Variants in KCNMA1 observed in about 807,000 individuals in gnomAD.
KCNMA1 encodes the protein Calcium-activated potassium channel subunit alpha-1.
A neutral mutation model predicts 140.0 loss-of-function variants in KCNMA1; 29 were observed. The ratio of observed to expected loss-of-function variants is 0.21; its 90% CI spans 0.15 to 0.28. KCNMA1 has a LOEUF of 0.28. Among genes scored for constraint, KCNMA1 ranks in the 10% least tolerant of loss-of-function variants. The pLI is 1.00. For missense variants in KCNMA1, 880 were observed against 1,602.2 expected (o/e 0.55, Z 7.70); for synonymous variants, 612 against 611.9 (o/e 1.00, Z 0.00).
At position 77,108,272 on chromosome 10, in the gene KCNMA1, T is replaced by G. The variant is rs2097239614; in HGVS notation, c.1223+209A>C. On this transcript the variant is annotated intron_variant, in intron 9 of 27. Transcript: ENST00000286628. This position sits in a 1 kb window ranked among gnomAD's most constrained non-coding sequence, Gnocchi z 4.6. ...AGTCACTCAACCACATCTTTTCTGA[T>G]GCAACTGACTTACTTTCTGCCTCCA... 54 of 1,460,946 alleles carry G rather than the reference T, an allele frequency of 3.7e-5. 1 individual carries two copies. In the South Asian group the frequency reaches 6.9e-4, roughly 19 times the overall value. 90.5% of individuals were successfully genotyped at this position (1,460,946 alleles called of 1,614,324 possible). A position where few individuals can be genotyped will look rare whatever the true frequency, so the allele number is the denominator to read the frequency against.
At chr10:76,893,816 A>G (rs141741641) in intron 25 of KCNMA1, among the ~76,000 whole-genome samples, 2 of 152,206 alleles carry the variant, frequency 1.3e-5, no homozygotes, top group Non-Finnish European at 2.9e-5. Context: ...AAACTACAAA[A>G]TATTACTGAA....
intron 1 of KCNMA1, among the ~76,000 whole-genome samples, chr10:77,436,134 G>C (rs2097258634): frequency 6.6e-6 from 1 of 152,212 alleles, no homozygotes; most frequent in South Asian, 2.1e-4. Context: ...GCTGGGGGAA[G>C]CTTGCACAAG....
At chr10:77,202,653 C>T (rs2042835098) in intron 3 of KCNMA1, among the ~76,000 whole-genome samples, 1 of 152,064 alleles carries the variant, frequency 6.6e-6, no homozygotes, top group African/African-American at 2.4e-5. Flanking sequence ...ACTGAAAAGG[C>T]TTCAAGAATG....
chr10:77,099,178 A>T (rs2097023840), intron 9 of KCNMA1, among the ~76,000 whole-genome samples: 1 of 151,952 alleles, frequency 6.6e-6, no homozygotes, highest in African/African-American at 2.4e-5. Context: ...CAAGCAAAGA[A>T]ATGGCTCTGA....
intron 1 of KCNMA1, chr10:77,493,785 G>C (rs1019627774): frequency 2.6e-5 from 4 of 152,212 alleles, no homozygotes; most frequent in Non-Finnish European, 5.9e-5. Context: ...GAGGGGACCT[G>C]TTAAATGCTG....
chr10:77,448,231 A>T (rs2097564755), intron 1 of KCNMA1, among the ~76,000 whole-genome samples: 1 of 152,184 alleles, frequency 6.6e-6, no homozygotes. Context: ...TGCTAGAAAC[A>T]CTGTCTCCTG....
At chr10:77,244,187 G>A (rs755539533) in intron 3 of KCNMA1, among the ~76,000 whole-genome samples, 1 of 152,204 alleles carries the variant, frequency 6.6e-6, no homozygotes, top group East Asian at 1.9e-4. Context: ...CTCCAGCTCT[G>A]CCCCTGGCTG....
chr10:77,354,994 T>C (rs2093340767), intron 2 of KCNMA1, among the ~76,000 whole-genome samples: 1 of 152,244 alleles, frequency 6.6e-6, no homozygotes, highest in Non-Finnish European at 1.5e-5. Flanking sequence ...CATCTTGAAT[T>C]GTATTCCCAT....
intron 14 of KCNMA1, among the ~76,000 whole-genome samples, chr10:77,063,243 T>A (rs2095821715): frequency 6.6e-6 from 1 of 152,050 alleles, no homozygotes; most frequent in Admixed American, 6.5e-5. Context: ...TGAAACCCCG[T>A]CTCTACTAAA....
In KCNMA1 at chr10:76,885,725, T is replaced by C; in HGVS notation, c.*1541A>G. On this transcript the variant is annotated 3_prime_UTR_variant, in exon 28 of 28. Coordinates refer to ENST00000286628, the MANE Select transcript of KCNMA1 (RefSeq NM_001161352.2). Reference sequence around the variant, plus strand: ...TTGGTTATGGTGAATTGGCCAGTTTTTAAGAAATACCGCACTGCCTAAAGC... The same window carrying C: ...TTGGTTATGGTGAATTGGCCAGTTTCTAAGAAATACCGCACTGCCTAAAGC... The C allele has an allele frequency of 1.0e-6, 1 of 985,386 alleles. No individual in the cohort carries two copies. The allele number at this position is 985,386 out of a possible 1,614,324, so 61.0% of individuals were successfully genotyped here.
At position 77,547,394 on chromosome 10, in the gene KCNMA1, C is replaced by T. The variant is rs185995360; in HGVS notation, c.378+89871G>A. ...AACCTACCCACTAAGACTTAAATAT[C>T]ACACCCTAGTTCAGACAGCCCTCGC... On this transcript the variant is annotated intron_variant, in intron 1 of 27. Coordinates refer to ENST00000286628, the MANE Select transcript of KCNMA1 (RefSeq NM_001161352.2). Among the ~76,000 whole-genome samples, 15 of 152,328 alleles carry T rather than the reference C, an allele frequency of 9.8e-5. No homozygotes were observed. The East Asian group carries it at 2.9e-3, about 29-fold the overall frequency.
chr10:77,629,949 A>C (rs1283185730), intron 1 of KCNMA1, among the ~76,000 whole-genome samples: 1 of 152,232 alleles, frequency 6.6e-6, no homozygotes, highest in Non-Finnish European at 1.5e-5. Flanking sequence ...TCTCATGGAA[A>C]AAGTCCCTGA....
At chr10:77,222,650 C>T (rs1801808438) in intron 3 of KCNMA1, among the ~76,000 whole-genome samples, 1 of 152,128 alleles carries the variant, frequency 6.6e-6, no homozygotes, top group Non-Finnish European at 1.5e-5. Flanking sequence ...ATCCTGAAGT[C>T]GATTAATCTG....
chr10:77,263,424 A>G (rs10509384), intron 2 of KCNMA1, among the ~76,000 whole-genome samples: 39,885 of 151,996 alleles, frequency 0.26, 6,316 homozygotes, highest in Admixed American at 0.35. Flanking sequence ...TCCTATAACC[A>G]CTTTACAAAC....
intron 9 of KCNMA1, among the ~76,000 whole-genome samples, chr10:77,097,397 C>T (rs887345628): frequency 1.3e-5 from 2 of 152,102 alleles, no homozygotes; most frequent in Non-Finnish European, 2.9e-5. Flanking sequence ...CCACCCTACC[C>T]CAGGACCTGG....
At chr10:77,304,286 G>T (rs2077173469) in intron 2 of KCNMA1, 1 of 152,218 alleles carries the variant, frequency 6.6e-6, no homozygotes, top group Non-Finnish European at 1.5e-5. Flanking sequence ...ATATTATCTT[G>T]CCATCTGTTA....
intron 23 of KCNMA1, among the ~76,000 whole-genome samples, chr10:76,923,899 G>A (rs1172988564): frequency 6.6e-6 from 1 of 152,124 alleles, no homozygotes; most frequent in Non-Finnish European, 1.5e-5. Flanking sequence ...CAGCTACTTG[G>A]GAGGCTGACG....
chr10:77,003,441 A>G (rs185609562), intron 18 of KCNMA1, among the ~76,000 whole-genome samples: 42 of 152,362 alleles, frequency 2.8e-4, no homozygotes, highest in African/African-American at 9.9e-4. Flanking sequence ...AAAGTCTTCA[A>G]TTAAAGACAT....
chr10:77,328,866 A>T (rs949999173), intron 2 of KCNMA1, among the ~76,000 whole-genome samples: 7 of 152,056 alleles, frequency 4.6e-5, no homozygotes, highest in African/African-American at 1.4e-4. Context: ...TTTAAGATGG[A>T]GTCTTGCACT....
Sources: allele counts gnomAD v4.1 joint callset (sites outside exome capture counted in the v4.1 genomes callset), GRCh38; gene constraint gnomAD v4.1.1; non-coding constraint Gnocchi (gnomAD v3.1); transcripts MANE v1.5; gene names NCBI Gene and HGNC (gene_info 2026-07-23, HGNC 2026-07-21).